ZNF362: variants seen among roughly 807,000 people sequenced by gnomAD.
ZNF362 encodes zinc finger protein 362.
Under a neutral mutation model 42.9 loss-of-function variants are expected in ZNF362, and 11 were observed. The ratio of observed to expected loss-of-function variants is 0.26; its 90% CI spans 0.16 to 0.42. The LOEUF (loss-of-function observed/expected upper bound fraction) is 0.42. Among genes scored for constraint, ZNF362 ranks in the 20% least tolerant of loss-of-function variants. The pLI is 1.00. For missense variants in ZNF362, 362 were observed against 576.2 expected (o/e 0.63, Z 3.81); for synonymous variants, 255 against 257.3 (o/e 0.99, Z 0.09).
At chr1:33,238,058 C>G in the ZNF362 span, among the ~76,000 whole-genome samples, 3 of 152,134 alleles carry the variant, frequency 2.0e-5, no homozygotes, top group Non-Finnish European at 4.4e-5. Context: ...GTGGCTCACG[C>G]CTGTAATCCC....
chr1:33,289,523 A>C (rs1172156049), intron 6 of ZNF362, among the ~76,000 whole-genome samples: 1 of 152,186 alleles, frequency 6.6e-6, no homozygotes, highest in African/African-American at 2.4e-5. Context: ...GGGGCAACTT[A>C]CTGGTCAAGA....
At chr1:33,215,783 C>T in the ZNF362 span, among the ~76,000 whole-genome samples, 1 of 152,022 alleles carries the variant, frequency 6.6e-6, no homozygotes, top group Non-Finnish European at 1.5e-5. Flanking sequence ...TGAAATTGAG[C>T]ACACATATAT....
At chr1:33,152,142 C>T in the ZNF362 span, among the ~76,000 whole-genome samples, 3 of 152,212 alleles carry the variant, frequency 2.0e-5, no homozygotes, top group African/African-American at 7.2e-5. Context: ...GACTGAGGCT[C>T]CAAGGAGACA....
the ZNF362 span, chr1:33,147,471 G>A: frequency 2.5e-6 from 4 of 1,613,854 alleles, no homozygotes; most frequent in South Asian, 3.3e-5. The surrounding 1 kb of genome is among the most constrained non-coding windows in gnomAD (Gnocchi z 8.1). Context: ...GCTGGATCTG[G>A]ATGCTGCCCT....
At chr1:33,189,709 G>GTGTGTATATATATATATATATATATATA in the ZNF362 span, among the ~76,000 whole-genome samples, 1 of 12,452 alleles carries the variant, frequency 8.0e-5, no homozygotes, top group Non-Finnish European at 1.3e-4. Context: ...ACATATATAC[G>GTGTGTATATATATATATATATATATATA]TATATATATA....
At position 33,280,530 on chromosome 1, in the gene ZNF362, CA is replaced by C; in HGVS notation, c.683+74del. ...TTGAGCCAGGGCTGCTCCAGGAGCC[CA>C]GCAGCGGGGCTGAAACAGGACCCTT... On this transcript the variant is annotated intron_variant, in intron 5 of 8. Transcript: ENST00000539719. The surrounding 1 kb of genome is among the most constrained non-coding windows in gnomAD (Gnocchi z 5.6). 6.8e-7 allele frequency: 1 copy of C among 1,472,150 alleles called. No homozygotes were observed. The highest frequency in any genetic ancestry group is 1.4e-5 in the South Asian group (1 of 72,604). The allele number at this position is 1,472,150 out of a possible 1,614,324, so 91.2% of individuals were successfully genotyped here.
the ZNF362 span, among the ~76,000 whole-genome samples, chr1:33,248,696 C>T: frequency 1.3e-5 from 2 of 152,226 alleles, no homozygotes; most frequent in African/African-American, 4.8e-5. Flanking sequence ...TCTTTCCTCT[C>T]TGCCCAGTGC....
At position 33,282,093 on chromosome 1, in the gene ZNF362, C is replaced by T. The variant is rs182251486; in HGVS notation, c.908+282C>T. On this transcript the variant is annotated intron_variant, in intron 6 of 8. Coordinates refer to ENST00000539719, the MANE Select transcript of ZNF362 (RefSeq NM_152493.3). ...GGCCATCCCCTTGTCCTCTCTCAGTCTAGCTTCCTCCAGGAAGCCCTCCCT... is the reference window on the plus strand; with the variant it reads ...GGCCATCCCCTTGTCCTCTCTCAGTTTAGCTTCCTCCAGGAAGCCCTCCCT... 1,160 of 461,170 alleles carry T rather than the reference C, an allele frequency of 2.5e-3. 3 individuals carry two copies. The highest frequency in any genetic ancestry group is 4.0e-3 in the Non-Finnish European group (998 of 250,368). The allele number at this position is 461,170 out of a possible 1,614,324, so 28.6% of individuals were successfully genotyped here.
chr1:33,181,266 G>A, the ZNF362 span: 3 of 1,547,806 alleles, frequency 1.9e-6, no homozygotes, highest in Middle Eastern at 1.7e-4. The surrounding 1 kb of genome is among the most constrained non-coding windows in gnomAD (Gnocchi z 6.5). Context: ...CTCGGCGAAC[G>A]TGCGCCGGCA....
Position 33,299,334 on chromosome 1 carries a change from GTTT to G in ZNF362, c.*299_*301del. On this transcript the variant is annotated 3_prime_UTR_variant, in exon 9 of 9. Coordinates refer to ENST00000539719, the MANE Select transcript of ZNF362 (RefSeq NM_152493.3). ...TTCCCCACCCTTCACTTGCTTCACT[GTTT>G]TTTTTTTTTTCGTTTTTTTTTTTTA... The G allele has an allele frequency of 1.3e-5, 2 of 153,124 alleles. No homozygotes were observed. Among genetic ancestry groups the G allele is most frequent in the Non-Finnish European group, 2.6e-5 (2 of 77,942 alleles). The allele number at this position is 153,124 out of a possible 1,614,324, so 9.5% of individuals were successfully genotyped here.
At chr1:33,189,669 ATATG>A in the ZNF362 span, among the ~76,000 whole-genome samples, 232 of 33,182 alleles carry the variant, frequency 7.0e-3, 2 homozygotes, top group East Asian at 0.021. Context: ...ATATATATAT[ATATG>A]TATATATATA....
At chr1:33,292,604 C>G (rs868791189) in intron 6 of ZNF362, among the ~76,000 whole-genome samples, 1 of 152,158 alleles carries the variant, frequency 6.6e-6, no homozygotes, top group Non-Finnish European at 1.5e-5. Flanking sequence ...AGGGAGGATT[C>G]CCTCTTTTTC....
the ZNF362 span, among the ~76,000 whole-genome samples, chr1:33,185,820 A>G: frequency 6.6e-6 from 1 of 152,202 alleles, no homozygotes; most frequent in African/African-American, 2.4e-5. Context: ...AGAAAAAGAA[A>G]AGAAAGACCC....
the ZNF362 span, among the ~76,000 whole-genome samples, chr1:33,249,694 G>A: frequency 2.0e-5 from 3 of 152,146 alleles, no homozygotes; most frequent in African/African-American, 7.2e-5. Context: ...TCATAACCTG[G>A]GAGGTACAGA....
the ZNF362 span, among the ~76,000 whole-genome samples, chr1:33,243,447 A>G: frequency 6.6e-6 from 1 of 151,650 alleles, no homozygotes; most frequent in South Asian, 2.1e-4. Flanking sequence ...TGGCCTCCCA[A>G]AGTGCTGGAA....
At chr1:33,186,461 G>A in the ZNF362 span, among the ~76,000 whole-genome samples, 1 of 151,678 alleles carries the variant, frequency 6.6e-6, no homozygotes, top group Non-Finnish European at 1.5e-5. Flanking sequence ...CAGTGCTAGT[G>A]AATCAACAAT....
chr1:33,154,910 G>T, the ZNF362 span, among the ~76,000 whole-genome samples: 1 of 151,822 alleles, frequency 6.6e-6, no homozygotes, highest in South Asian at 2.1e-4. Flanking sequence ...TGGCTAACAC[G>T]GTGAAACCCC....
intron 6 of ZNF362, among the ~76,000 whole-genome samples, chr1:33,283,572 A>T (rs144721566): frequency 5.5e-4 from 83 of 152,202 alleles, no homozygotes; most frequent in African/African-American, 1.9e-3. Context: ...GTAATGGTGC[A>T]TGCCTGTAGT....
At chr1:33,244,187 CCCAGAGGGGCAGGG>C in the ZNF362 span, among the ~76,000 whole-genome samples, 2 of 152,136 alleles carry the variant, frequency 1.3e-5, no homozygotes, top group Admixed American at 1.3e-4. This position sits in a 1 kb window ranked among gnomAD's most constrained non-coding sequence, Gnocchi z 4.0. Flanking sequence ...TCCCGTCATT[CCCAGAGGGGCAGGG>C]CCAGGAGATG....
Sources: allele counts gnomAD v4.1 joint callset (sites outside exome capture counted in the v4.1 genomes callset), GRCh38; gene constraint gnomAD v4.1.1; non-coding constraint Gnocchi (gnomAD v3.1); transcripts MANE v1.5; gene names NCBI Gene and HGNC (gene_info 2026-07-23, HGNC 2026-07-21).